Variants in CNTNAP5 observed in about 807,000 individuals in gnomAD.
CNTNAP5 encodes the protein contactin associated protein family member 5.
Under a neutral mutation model 150.2 loss-of-function variants are expected in CNTNAP5, and 72 were observed. The observed-to-expected ratio is 0.48, with a 90% CI of 0.40 to 0.58. The LOEUF (loss-of-function observed/expected upper bound fraction) is 0.58, where lower values mean the gene tolerates loss of function less well. CNTNAP5 is among the 20% of genes least tolerant of loss of function. The pLI is 0.00. For synonymous variants in CNTNAP5, 672 were observed against 619.8 expected (o/e 1.08, Z -1.25); for missense variants, 1,636 against 1,626.2 (o/e 1.01, Z -0.10).
rs193191613 is a variant in CNTNAP5 at position 124,829,449 on chromosome 2, C to A, written c.3217+31129C>A. Among the ~76,000 whole-genome samples, 14 of 152,236 alleles carry A rather than the reference C, an allele frequency of 9.2e-5. No individual in the cohort carries two copies. The East Asian group carries it at 2.3e-3, about 25-fold the overall frequency. ...TTGTTGGAAAGCATATTTTGAATAT[C>A]TTCTATTTTTTAACTAGCATAATCT... On this transcript the variant is annotated intron_variant, in intron 19 of 23. Coordinates refer to ENST00000682447, the MANE Select transcript of CNTNAP5 (RefSeq NM_001367498.1).
At chr2:124,794,148 G>GGTA (rs1681794429) in intron 18 of CNTNAP5, among the ~76,000 whole-genome samples, 2 of 152,168 alleles carry the variant, frequency 1.3e-5, no homozygotes, top group African/African-American at 4.8e-5. Context: ...TCCATCTGGT[G>GGTA]CTACTACCTT....
intron 12 of CNTNAP5, among the ~76,000 whole-genome samples, chr2:124,633,704 T>C (rs1677911784): frequency 6.6e-6 from 1 of 152,218 alleles, no homozygotes; most frequent in African/African-American, 2.4e-5. Context: ...GTAGAGCTTC[T>C]TCTTGAGGGC....
intron 12 of CNTNAP5, among the ~76,000 whole-genome samples, chr2:124,643,687 T>C (rs1678143191): frequency 6.6e-6 from 1 of 152,168 alleles, no homozygotes. Flanking sequence ...CTCATTTGAG[T>C]GCCAGACAGT....
At chr2:124,233,003 G>A (rs1470532316) in intron 2 of CNTNAP5, among the ~76,000 whole-genome samples, 1 of 150,068 alleles carries the variant, frequency 6.7e-6, no homozygotes, top group African/African-American at 2.4e-5. Context: ...ACTTTATTAA[G>A]CTGAACATTC....
chr2:124,447,008 C>T (rs1692837632), intron 6 of CNTNAP5, 71 bp downstream of exon 6: 3 of 1,452,276 alleles, frequency 2.1e-6, no homozygotes, highest in East Asian at 4.6e-5. Flanking sequence ...AATCAGTGAG[C>T]AGACCAACTG....
At chr2:124,351,132 TC>T (rs1465305818) in intron 3 of CNTNAP5, among the ~76,000 whole-genome samples, 1 of 152,172 alleles carries the variant, frequency 6.6e-6, no homozygotes, top group Non-Finnish European at 1.5e-5. Flanking sequence ...ACCAAGAAAC[TC>T]ATTCTTTTGG....
intron 10 of CNTNAP5, among the ~76,000 whole-genome samples, chr2:124,558,126 A>G (rs1573457626): frequency 6.6e-6 from 1 of 152,280 alleles, no homozygotes; most frequent in Non-Finnish European, 1.5e-5. Context: ...AATTAACTGA[A>G]GGGGTCAAGG....
At chr2:124,656,092 A>C in intron 13 of CNTNAP5, among the ~76,000 whole-genome samples, 1 of 151,564 alleles carries the variant, frequency 6.6e-6, no homozygotes, top group African/African-American at 2.4e-5. Context: ...AGTCACTGCC[A>C]CTAGCCCACA....
At chr2:124,166,135 C>G (rs1210934493) in intron 1 of CNTNAP5, among the ~76,000 whole-genome samples, 1 of 152,116 alleles carries the variant, frequency 6.6e-6, no homozygotes, top group Non-Finnish European at 1.5e-5. Context: ...AGACAAAATT[C>G]TTGAAACAGC....
chr2:124,441,650 T>C (rs1440608084), intron 5 of CNTNAP5, among the ~76,000 whole-genome samples: 2 of 152,036 alleles, frequency 1.3e-5, no homozygotes, highest in African/African-American at 4.8e-5. Flanking sequence ...TTTAATATAA[T>C]ACTTCATCTG....
intron 16 of CNTNAP5, among the ~76,000 whole-genome samples, chr2:124,768,558 T>C (rs774594241): frequency 1.7e-4 from 26 of 152,228 alleles, no homozygotes; most frequent in Middle Eastern, 3.4e-3. Context: ...CTGATTTCAT[T>C]TTCTTTCCAA....
At chr2:124,298,328 G>T (rs183541326) in intron 3 of CNTNAP5, among the ~76,000 whole-genome samples, 6 of 152,228 alleles carry the variant, frequency 3.9e-5, no homozygotes, top group Admixed American at 2.0e-4. Flanking sequence ...GCCCAAAAAT[G>T]AGATGAAGAT....
At chr2:124,424,949 T>A (rs1290214967) in intron 4 of CNTNAP5, among the ~76,000 whole-genome samples, 2 of 152,216 alleles carry the variant, frequency 1.3e-5, no homozygotes, top group East Asian at 1.9e-4. Flanking sequence ...AGTATGTGAT[T>A]TGACTGGCGA....
chr2:124,189,447 G>C (rs191463123), intron 1 of CNTNAP5, among the ~76,000 whole-genome samples: 1 of 152,204 alleles, frequency 6.6e-6, no homozygotes, highest in Admixed American at 6.5e-5. Flanking sequence ...TTCATCTTTT[G>C]ACCCTGGAGA....
intron 19 of CNTNAP5, among the ~76,000 whole-genome samples, chr2:124,806,759 G>T (rs1682090779): frequency 6.6e-6 from 1 of 152,162 alleles, no homozygotes. Context: ...TAATCTTGTT[G>T]GTCAAGGGTC....
intron 13 of CNTNAP5, among the ~76,000 whole-genome samples, chr2:124,696,679 C>T (rs1331443591): frequency 6.6e-6 from 1 of 152,148 alleles, no homozygotes; most frequent in East Asian, 1.9e-4. Context: ...GGGCGACTTG[C>T]CTTCTGACTG....
intron 13 of CNTNAP5, among the ~76,000 whole-genome samples, chr2:124,653,744 A>C (rs1206061522): frequency 6.6e-6 from 1 of 152,198 alleles, no homozygotes; most frequent in South Asian, 2.1e-4. Context: ...TACTTGTACC[A>C]CCCAAGATCA....
At chr2:124,765,803 A>G (rs1381570078) in intron 16 of CNTNAP5, among the ~76,000 whole-genome samples, 2 of 152,102 alleles carry the variant, frequency 1.3e-5, no homozygotes, top group African/African-American at 4.8e-5. Context: ...TAAAAATACA[A>G]AAATTATCCA....
intron 1 of CNTNAP5, among the ~76,000 whole-genome samples, chr2:124,128,679 A>G (rs1183691890): frequency 6.6e-6 from 1 of 152,226 alleles, no homozygotes; most frequent in Non-Finnish European, 1.5e-5. Context: ...CATCAATGAT[A>G]TACTGGATTA....
Sources: allele counts gnomAD v4.1 joint callset (sites outside exome capture counted in the v4.1 genomes callset), GRCh38; gene constraint gnomAD v4.1.1; transcripts MANE v1.5; gene names NCBI Gene and HGNC (gene_info 2026-07-23, HGNC 2026-07-21).